The following MACROH2A2 variants were observed in gnomAD, a reference collection of about 807,000 sequenced individuals.
MACROH2A2 encodes macroH2A.2 histone.
A neutral mutation model predicts 37.6 loss-of-function variants in MACROH2A2; 6 were observed. The observed-to-expected ratio is 0.16, with a 90% confidence interval of 0.09 to 0.32. The LOEUF is 0.32. Among genes scored for constraint, MACROH2A2 ranks in the 10% least tolerant of loss-of-function variants. The probability of loss-of-function intolerance (pLI) is 1.00; values close to 1 mark genes in which losing one functional copy is unlikely to be tolerated. For missense variants in MACROH2A2, 290 were observed against 485.9 expected (o/e 0.60, Z 3.79); for synonymous variants, 192 against 202.7 (o/e 0.95, Z 0.45).
chr10:70,062,511 T>G (rs1044977448), intron 1 of MACROH2A2, among the ~76,000 whole-genome samples: 2 of 152,256 alleles, frequency 1.3e-5, no homozygotes, highest in Non-Finnish European at 2.9e-5. Context: ...TTAAAAGCTC[T>G]AAGATCTCTT....
At chr10:70,071,723 A>T (rs1000358427) in intron 1 of MACROH2A2, among the ~76,000 whole-genome samples, 4 of 152,214 alleles carry the variant, frequency 2.6e-5, no homozygotes, top group African/African-American at 9.7e-5. Context: ...TCAACATCTT[A>T]CCATACTGAA....
At chr10:70,067,261 C>T (rs1267024312) in intron 1 of MACROH2A2, among the ~76,000 whole-genome samples, 1 of 152,170 alleles carries the variant, frequency 6.6e-6, no homozygotes, top group African/African-American at 2.4e-5. Flanking sequence ...CTTTATAGAA[C>T]ATAACTACCC....
intron 2 of MACROH2A2, among the ~76,000 whole-genome samples, chr10:70,089,166 A>G (rs1245298835): frequency 6.6e-6 from 1 of 152,194 alleles, no homozygotes; most frequent in Non-Finnish European, 1.5e-5. Flanking sequence ...AACAGACTTT[A>G]CCTACATCAC....
At chr10:70,054,057 G>C (rs935840554) in intron 1 of MACROH2A2, among the ~76,000 whole-genome samples, 2 of 152,168 alleles carry the variant, frequency 1.3e-5, no homozygotes, top group Admixed American at 6.5e-5. Context: ...CCTTGGGGGG[G>C]CGCCCTCAGT....
chr10:70,084,526 C>T lies in MACROH2A2; in HGVS notation c.173-5534C>T, dbSNP rs371758294. Among the ~76,000 whole-genome samples the T allele has an allele frequency of 3.3e-5, 5 of 152,318 alleles. No homozygotes were observed. In the East Asian group the frequency reaches 7.7e-4, roughly 23 times the overall value. ...AAAACTGCAGTGAGCCTTGAGAGCA[C>T]CACTGCACTCCAGCCTTGGTAACAG... On this transcript the variant is annotated intron_variant, in intron 2 of 8. Coordinates refer to ENST00000373255, the MANE Select transcript of MACROH2A2 (RefSeq NM_018649.3).
At chr10:70,057,280 C>T (rs1205324594) in intron 1 of MACROH2A2, among the ~76,000 whole-genome samples, 1 of 146,216 alleles carries the variant, frequency 6.8e-6, no homozygotes, top group Non-Finnish European at 1.5e-5. Flanking sequence ...TTTGGTCTCA[C>T]AGGCCATGGA....
At chr10:70,079,366 G>A (rs1589834529) in intron 2 of MACROH2A2, among the ~76,000 whole-genome samples, 1 of 151,858 alleles carries the variant, frequency 6.6e-6, no homozygotes, top group African/African-American at 2.4e-5. Flanking sequence ...CTGGGGGGGC[G>A]GGTGAACTAG....
intron 2 of MACROH2A2, among the ~76,000 whole-genome samples, chr10:70,084,671 G>A (rs1407247569): frequency 6.6e-6 from 1 of 151,858 alleles, no homozygotes; most frequent in Non-Finnish European, 1.5e-5. Context: ...GTGTGATCAC[G>A]GCTCACTACA....
At chr10:70,054,044 T>G (rs2136611515) in intron 1 of MACROH2A2, among the ~76,000 whole-genome samples, 1 of 152,218 alleles carries the variant, frequency 6.6e-6, no homozygotes, top group South Asian at 2.1e-4. Flanking sequence ...CTCCCCCGCC[T>G]TTCCTTGGGG....
intron 2 of MACROH2A2, among the ~76,000 whole-genome samples, chr10:70,076,622 G>T (rs2072141246): frequency 6.6e-6 from 1 of 152,092 alleles, no homozygotes; most frequent in Non-Finnish European, 1.5e-5. Flanking sequence ...TTAGTCCCTT[G>T]TTGGGTAATA....
At chr10:70,109,761 C>G (rs2072359159) in intron 8 of MACROH2A2, among the ~76,000 whole-genome samples, 1 of 152,126 alleles carries the variant, frequency 6.6e-6, no homozygotes, top group Non-Finnish European at 1.5e-5. Flanking sequence ...TGAATACACC[C>G]AGAGAAGTGA....
intron 2 of MACROH2A2, among the ~76,000 whole-genome samples, chr10:70,077,642 C>T (rs2072147286): frequency 6.6e-6 from 1 of 152,078 alleles, no homozygotes; most frequent in Non-Finnish European, 1.5e-5. Context: ...GAGGCCGAGG[C>T]GGGCAGATCA....
intron 6 of MACROH2A2, chr10:70,098,426 G>A (rs1454875732): frequency 2.6e-5 from 4 of 151,904 alleles, no homozygotes; most frequent in Admixed American, 6.6e-5. Flanking sequence ...AGAAAGGAAA[G>A]AAAGAAAATT....
At chr10:70,069,098 T>G (rs2072094420) in intron 1 of MACROH2A2, among the ~76,000 whole-genome samples, 1 of 152,208 alleles carries the variant, frequency 6.6e-6, no homozygotes, top group South Asian at 2.1e-4. Flanking sequence ...TGGTGTGAGT[T>G]TATTGCCCGT....
Position 70,110,326 on chromosome 10 carries a change from T to C in MACROH2A2, c.953+1119T>C, listed in dbSNP as rs1410624007. On this transcript the variant is annotated intron_variant, in intron 8 of 8. Transcript: ENST00000373255. The stretch of plus-strand genomic sequence containing the variant: ...CTGGAACCTGGGGCCTTTAACAAAC[T>C]TTCATTAACCCCGCCATGCCCGGAG... Among the ~76,000 whole-genome samples the C allele has an allele frequency of 2.0e-5, 3 of 152,240 alleles. No individual in the cohort carries two copies. The East Asian group carries it at 5.8e-4, about 29-fold the overall frequency.
intron 2 of MACROH2A2, among the ~76,000 whole-genome samples, chr10:70,083,471 C>T (rs1353425371): frequency 1.3e-5 from 2 of 152,182 alleles, no homozygotes; most frequent in Non-Finnish European, 2.9e-5. Flanking sequence ...GGCCAGTCTA[C>T]TGCTCCTGTC....
intron 7 of MACROH2A2, among the ~76,000 whole-genome samples, chr10:70,104,326 C>T (rs2072324137): frequency 6.9e-6 from 1 of 144,634 alleles, no homozygotes; most frequent in South Asian, 2.2e-4. Flanking sequence ...AAAGGAGGAG[C>T]AAATATCTTG....
At chr10:70,102,578 A>G (rs1372712136) in intron 7 of MACROH2A2, among the ~76,000 whole-genome samples, 1 of 152,082 alleles carries the variant, frequency 6.6e-6, no homozygotes, top group East Asian at 1.9e-4. Flanking sequence ...TTAGCCAGGC[A>G]TGGTGGCGCA....
intron 1 of MACROH2A2, among the ~76,000 whole-genome samples, chr10:70,067,121 A>G (rs953057353): frequency 1.3e-5 from 2 of 152,242 alleles, no homozygotes; most frequent in East Asian, 1.9e-4. Flanking sequence ...TTTGAACACA[A>G]ACACACATAA....
Sources: gnomAD v4.1 joint callset for allele counts (sites outside exome capture counted in the v4.1 genomes callset) on GRCh38, gnomAD v4.1.1 for gene constraint, MANE v1.5 for transcripts, NCBI Gene and HGNC (gene_info 2026-07-23, HGNC 2026-07-21) for gene names.